ACTL8: variants seen among roughly 807,000 people sequenced by gnomAD.
ACTL8 encodes the protein actin-like protein 8.
ACTL8 carries 3 observed loss-of-function variants against 9.3 expected under a neutral mutation model. The observed-to-expected ratio is 0.32, with a 90% CI of 0.15 to 0.83. The LOEUF (loss-of-function observed/expected upper bound fraction) is 0.83. Ranked by LOEUF, ACTL8 falls within the 40% of genes least tolerant of loss-of-function variation. The pLI, the probability that ACTL8 is intolerant of heterozygous loss-of-function variation, is 0.57. For synonymous variants in ACTL8, 224 were observed against 205.9 expected, an observed-to-expected ratio of 1.09 and a Z score of -0.75; for missense variants, 381 against 492.2, an observed-to-expected ratio of 0.77 and a Z score of 2.14.
At chr1:17,777,033 A>C (rs1405268825) in intron 1 of ACTL8, among the ~76,000 whole-genome samples, 1 of 118,630 alleles carries the variant, frequency 8.4e-6, no homozygotes, top group Non-Finnish European at 1.6e-5. Flanking sequence ...CATGTTGCCC[A>C]GGCTGATCTT....
In ACTL8 at chr1:17,826,459, T is replaced by G. The variant is rs140691098; in HGVS notation, c.1041T>G (p.Leu347=). The change falls in exon 3 of 3, where the codon CTT becomes CTG. Residue 347 remains leucine (L), a synonymous_variant. Transcript: ENST00000375406. The surrounding 1 kb of genome is among the most constrained non-coding windows in gnomAD (Gnocchi z 4.5). ...VWLGASVVAH[L]STYQSEWMSR... is the part of the protein sequence containing the mutation. ...TAGGAGCGTCCGTGGTGGCTCACCT[T>G]TCTACCTACCAGTCTGAGTGGATGT... 134 of 1,611,882 alleles carry G rather than the reference T, an allele frequency of 8.3e-5. No homozygotes were observed. The highest frequency in any genetic ancestry group is 1.1e-4 in the Non-Finnish European group (128 of 1,178,742).
rs1247659571 is a variant in ACTL8, at chr1:17,826,258, G to A, written c.840G>A (p.Val280=). 6.2e-7 allele frequency: 1 copy of A among 1,612,774 alleles called. No homozygotes were observed. The highest frequency in any genetic ancestry group is 8.5e-7 in the Non-Finnish European group (1 of 1,179,224). ...PSIPRAIVES[V]ESCEISLRPL... ...TCCCACGGGCCATTGTGGAATCCGT[G>A]GAGTCCTGCGAGATCTCCCTGCGCC... is the stretch of plus-strand genomic sequence containing the variant. Residue 280 remains valine, a synonymous_variant, in exon 3 of 3, where the codon GTG becomes GTA. Transcript: ENST00000375406. This position sits in a 1 kb window ranked among gnomAD's most constrained non-coding sequence, Gnocchi z 4.5.
At chr1:17,800,931 C>G (rs1225895435) in intron 1 of ACTL8, among the ~76,000 whole-genome samples, 1 of 152,074 alleles carries the variant, frequency 6.6e-6, no homozygotes, top group East Asian at 1.9e-4. Context: ...GGTGAAAATT[C>G]CCAGCTAAGG....
At chr1:17,796,589 C>T (rs1215045556) in intron 1 of ACTL8, among the ~76,000 whole-genome samples, 2 of 152,226 alleles carry the variant, frequency 1.3e-5, no homozygotes, top group African/African-American at 4.8e-5. Flanking sequence ...AAACACTCAG[C>T]TTTGCCCTCC....
In ACTL8 at chr1:17,767,815, C is replaced by T. The variant is rs938943950; in HGVS notation, c.-25+12311C>T. Among the ~76,000 whole-genome samples the T allele has an allele frequency of 1.3e-5, 2 of 152,140 alleles. No homozygotes were observed. The highest frequency in any genetic ancestry group is 6.5e-5 in the Admixed American group (1 of 15,282). The stretch of plus-strand genomic sequence containing the variant: ...TTGGCTTCTCGGCTCAGTCTGATGC[C>T]GTGACTGCTGACACGGGAGGAATGA... On this transcript the variant is annotated intron_variant, in intron 1 of 2. Coordinates refer to ENST00000375406, the MANE Select transcript of ACTL8 (RefSeq NM_030812.3). This position sits in a 1 kb window ranked among gnomAD's most constrained non-coding sequence, Gnocchi z 4.7.
At position 17,823,488 on chromosome 1, in the gene ACTL8, A is replaced by G; in HGVS notation, c.348+132A>G. 5 of 872,562 alleles carry G rather than the reference A, an allele frequency of 5.7e-6. No homozygotes were observed. The highest frequency in any genetic ancestry group is 2.7e-5 in the East Asian group (1 of 37,418). The allele number at this position is 872,562 out of a possible 1,614,324, so 54.1% of individuals were successfully genotyped here. A position where few individuals can be genotyped will look rare whatever the true frequency, so the allele number is the denominator to read the frequency against. On this transcript the variant is annotated intron_variant, in intron 2 of 2. Transcript: ENST00000375406. This position sits in a 1 kb window ranked among gnomAD's most constrained non-coding sequence, Gnocchi z 5.3. ...CCAGGTGTGGTGGCTTATGCCTGTA[A>G]TCCCAACACTTTGGGACTCCCAGGC...
chr1:17,756,395 G>A (rs912492679), intron 1 of ACTL8, among the ~76,000 whole-genome samples: 5 of 152,036 alleles, frequency 3.3e-5, no homozygotes, highest in African/African-American at 4.8e-5. Context: ...TTCTTAGCGG[G>A]GGGTTGTTTA....
intron 1 of ACTL8, among the ~76,000 whole-genome samples, chr1:17,778,842 C>A (rs2066133912): frequency 6.6e-6 from 1 of 152,042 alleles, no homozygotes; most frequent in Non-Finnish European, 1.5e-5. Flanking sequence ...GCTGCTCTCC[C>A]AGACATGGAT....
At chr1:17,766,244 C>G (rs2066043479) in intron 1 of ACTL8, among the ~76,000 whole-genome samples, 1 of 152,196 alleles carries the variant, frequency 6.6e-6, no homozygotes, top group Admixed American at 6.5e-5. Context: ...GATTCACTCC[C>G]CTGTCTTCCC....
chr1:17,802,839 G>C (rs1477338506), intron 1 of ACTL8, among the ~76,000 whole-genome samples: 1 of 152,066 alleles, frequency 6.6e-6, no homozygotes, highest in African/African-American at 2.4e-5. Flanking sequence ...AGGAAAATTA[G>C]CTGGGCGTGG....
chr1:17,798,144 C>CAGAGG (rs1334461739), intron 1 of ACTL8, among the ~76,000 whole-genome samples: 1 of 102,624 alleles, frequency 9.7e-6, no homozygotes, highest in African/African-American at 4.2e-5. Flanking sequence ...GCCTAGAAGG[C>CAGAGG]AGAGGTCATA....
intron 1 of ACTL8, among the ~76,000 whole-genome samples, chr1:17,798,716 A>T (rs190116437): frequency 3.9e-4 from 60 of 152,320 alleles, no homozygotes; most frequent in African/African-American, 1.4e-3. Context: ...AGTTCATGTC[A>T]TTCTACCATT....
At chr1:17,759,988 C>G (rs1311807189) in intron 1 of ACTL8, among the ~76,000 whole-genome samples, 1 of 152,192 alleles carries the variant, frequency 6.6e-6, no homozygotes, top group African/African-American at 2.4e-5. Context: ...CGCAGCTTCC[C>G]CCTCCTAATA....
chr1:17,814,713 G>A (rs1324479078), intron 1 of ACTL8, among the ~76,000 whole-genome samples: 1 of 151,914 alleles, frequency 6.6e-6, no homozygotes, highest in Admixed American at 6.5e-5. Flanking sequence ...CGCAGTACCA[G>A]TTCGTAGCAT....
intron 1 of ACTL8, among the ~76,000 whole-genome samples, chr1:17,760,843 G>A (rs911983239): frequency 6.6e-6 from 1 of 152,220 alleles, no homozygotes; most frequent in African/African-American, 2.4e-5. Flanking sequence ...CAAGTCAAGC[G>A]GCCATGATTA....
chr1:17,756,500 C>T (rs866899251), intron 1 of ACTL8, among the ~76,000 whole-genome samples: 3 of 152,162 alleles, frequency 2.0e-5, no homozygotes, highest in Admixed American at 6.5e-5. Flanking sequence ...TATTAATTAT[C>T]GTTCTCTTTA....
At chr1:17,812,200 A>G (rs2066397723) in intron 1 of ACTL8, among the ~76,000 whole-genome samples, 1 of 151,956 alleles carries the variant, frequency 6.6e-6, no homozygotes, top group Non-Finnish European at 1.5e-5. Context: ...TTGAAATCAG[A>G]TAGTGTGAGT....
chr1:17,770,431 T>C (rs933769914), intron 1 of ACTL8, among the ~76,000 whole-genome samples: 4 of 152,242 alleles, frequency 2.6e-5, no homozygotes, highest in Non-Finnish European at 5.9e-5. Context: ...GCAAGATTTA[T>C]TGTCTCTCAT....
intron 1 of ACTL8, among the ~76,000 whole-genome samples, chr1:17,795,369 T>G (rs1452932791): frequency 6.6e-6 from 1 of 152,252 alleles, no homozygotes; most frequent in East Asian, 1.9e-4. Context: ...TGTGCAAACT[T>G]GGGCTTCTTT....
Sources: gnomAD v4.1 joint callset for allele counts (sites outside exome capture counted in the v4.1 genomes callset) on GRCh38, gnomAD v4.1.1 for gene constraint, Gnocchi (gnomAD v3.1) non-coding constraint, MANE v1.5 for transcripts, NCBI Gene and HGNC (gene_info 2026-07-23, HGNC 2026-07-21) for gene names.